Variants in TENM3 observed in about 807,000 individuals in gnomAD.
TENM3 encodes the protein teneurin transmembrane protein 3.
TENM3 carries 63 observed loss-of-function variants against 255.1 expected under a neutral mutation model. That is an observed-to-expected ratio of 0.25 (90% CI 0.20 to 0.30). The LOEUF (loss-of-function observed/expected upper bound fraction) is 0.30, where lower values mean the gene tolerates loss of function less well. Ranked by LOEUF, TENM3 falls within the 10% of genes least tolerant of loss-of-function variation. The probability of loss-of-function intolerance (pLI) is 1.00; values close to 1 mark genes in which losing one functional copy is unlikely to be tolerated. For missense variants in TENM3, 2,929 were observed against 3,461.1 expected, an observed-to-expected ratio of 0.85 and a Z score of 3.86; for synonymous variants, 1,306 against 1,322.3, an observed-to-expected ratio of 0.99 and a Z score of 0.27.
the TENM3 span, among the ~76,000 whole-genome samples, chr4:181,448,846 A>C: frequency 6.6e-6 from 1 of 152,182 alleles, no homozygotes; most frequent in Admixed American, 6.5e-5. Context: ...TTTACTTGGA[A>C]TTTTAAGTTT....
At chr4:181,752,442 C>G in the TENM3 span, among the ~76,000 whole-genome samples, 1 of 152,018 alleles carries the variant, frequency 6.6e-6, no homozygotes, top group Admixed American at 6.5e-5. Context: ...GTCCCAGCTA[C>G]TAGGGAAGCT....
chr4:182,349,327 G>A (rs189363500), intron 3 of TENM3, among the ~76,000 whole-genome samples: 58 of 152,216 alleles, frequency 3.8e-4, no homozygotes, highest in Non-Finnish European at 7.6e-4. Context: ...AATGAATACT[G>A]GCTATTGCAT....
At chr4:181,685,691 T>TG in the TENM3 span, among the ~76,000 whole-genome samples, 1 of 152,196 alleles carries the variant, frequency 6.6e-6, no homozygotes, top group African/African-American at 2.4e-5. Context: ...AAAGGACGGA[T>TG]GGGCACCCTG....
At chr4:182,448,940 G>A (rs1281376018) in intron 3 of TENM3, 11 of 383,526 alleles carry the variant, frequency 2.9e-5, no homozygotes, top group Middle Eastern at 3.7e-4. Context: ...TGTAAACAGA[G>A]GAGCCTCAGC....
At chr4:182,044,770 A>T in the TENM3 span, among the ~76,000 whole-genome samples, 1 of 152,228 alleles carries the variant, frequency 6.6e-6, no homozygotes, top group Non-Finnish European at 1.5e-5. Context: ...CTTGAATAAA[A>T]ATTCTTCTTT....
chr4:182,432,849 G>GGTGTGTGTGGGTGTGTGTGTGTGTGTGT (rs1554066036), intron 3 of TENM3, among the ~76,000 whole-genome samples: 58 of 143,080 alleles, frequency 4.1e-4, no homozygotes, highest in Admixed American at 3.7e-3. Flanking sequence ...AATGGATTTG[G>GGTGTGTGTGGGTGTGTGTGTGTGTGTGT]GTGTGTGTGT....
the TENM3 span, among the ~76,000 whole-genome samples, chr4:181,898,261 T>TACAC: frequency 2.5e-3 from 380 of 149,970 alleles, 2 homozygotes; most frequent in African/African-American, 7.1e-3. Context: ...CATCTGCAGC[T>TACAC]ACACACACAC....
chr4:182,328,563 A>G (rs1224807645), intron 2 of TENM3, among the ~76,000 whole-genome samples: 2 of 152,204 alleles, frequency 1.3e-5, no homozygotes, highest in East Asian at 3.9e-4. Flanking sequence ...CTATGTTTGT[A>G]CGTTACTGAA....
chr4:182,745,813 T>A (rs909328956), intron 19 of TENM3, among the ~76,000 whole-genome samples: 5 of 12,032 alleles, frequency 4.2e-4, no homozygotes, highest in African/African-American at 1.3e-3. Context: ...AATCTCTCCC[T>A]CTGGAAAAAA....
At chr4:182,560,834 G>A (rs140172817) in intron 3 of TENM3, among the ~76,000 whole-genome samples, 2 of 152,002 alleles carry the variant, frequency 1.3e-5, no homozygotes, top group Admixed American at 6.6e-5. Flanking sequence ...ATAATGAACA[G>A]TGGAGAAGTA....
chr4:181,656,212 G>T, the TENM3 span, among the ~76,000 whole-genome samples: 1 of 152,268 alleles, frequency 6.6e-6, no homozygotes, highest in African/African-American at 2.4e-5. Flanking sequence ...TGCAGAGGAA[G>T]ATGGGAAATG....
At chr4:181,632,054 G>A in the TENM3 span, among the ~76,000 whole-genome samples, 11,502 of 152,196 alleles carry the variant, frequency 0.076, 494 homozygotes, top group East Asian at 0.14. Flanking sequence ...GTGAGGTGTG[G>A]TGTATTAGTC....
chr4:181,803,772 T>G, the TENM3 span, among the ~76,000 whole-genome samples: 3 of 150,932 alleles, frequency 2.0e-5, no homozygotes, highest in African/African-American at 7.3e-5. Flanking sequence ...TCCCTTAAAT[T>G]AAAAATGAAA....
chr4:182,321,709 G>C lies in TENM3; in HGVS notation c.-75-2237G>C, dbSNP rs1412177328. 2.6e-5 allele frequency among the ~76,000 whole-genome samples: 4 copies of C among 152,116 alleles called. No individual in the cohort carries two copies. The East Asian group carries it at 5.8e-4, about 22-fold the overall frequency. ...GCCTGTAATCCCAGCACTTTGGGAGGCTGAAGTGGGCGGATCACGAGGTCA... is the reference window on the plus strand; with the variant it reads ...GCCTGTAATCCCAGCACTTTGGGAGCCTGAAGTGGGCGGATCACGAGGTCA... On this transcript the variant is annotated intron_variant, in intron 1 of 27. Transcript: ENST00000511685.
the TENM3 span, among the ~76,000 whole-genome samples, chr4:181,814,415 T>G: frequency 6.6e-6 from 1 of 152,214 alleles, no homozygotes; most frequent in Non-Finnish European, 1.5e-5. Flanking sequence ...AAACACAAAC[T>G]TTGTGAGCAT....
At chr4:181,604,729 C>T in the TENM3 span, among the ~76,000 whole-genome samples, 6 of 152,018 alleles carry the variant, frequency 3.9e-5, no homozygotes, top group Admixed American at 2.0e-4. Context: ...TTCATCACCA[C>T]GACTGTTTAC....
rs1561204122 is a variant in TENM3, at chr4:182,754,750, T to C, written c.4383T>C (p.Ser1461=). The C allele has an allele frequency of 6.2e-7, 1 of 1,613,748 alleles. No homozygotes were observed. The highest frequency in any genetic ancestry group is 1.3e-5 in the African/African-American group (1 of 74,862). The part of the protein sequence containing the change: ...KNDANCDCYQ[S]GDGYAKDAKL... ...ATGCCAACTGTGACTGTTACCAGAG[T>C]GGAGATGGCTACGCCAAGGATGCCA... Residue 1461 remains serine, a synonymous_variant, in exon 22 of 28, where the codon AGT becomes AGC. Coordinates refer to ENST00000511685, the MANE Select transcript of TENM3 (RefSeq NM_001080477.4). The surrounding 1 kb of genome is among the most constrained non-coding windows in gnomAD (Gnocchi z 5.1).
chr4:182,169,478 A>C (rs1260652624), intron 1 of TENM3: 2 of 327,914 alleles, frequency 6.1e-6, no homozygotes, highest in African/African-American at 2.2e-5. Context: ...CACCTAAAAT[A>C]TGAATGAAGA....
chr4:181,580,947 A>G, the TENM3 span, among the ~76,000 whole-genome samples: 20 of 152,348 alleles, frequency 1.3e-4, no homozygotes, highest in African/African-American at 4.6e-4. Context: ...CACACAACAC[A>G]GAAAACTATC....
Sources: allele counts gnomAD v4.1 joint callset (sites outside exome capture counted in the v4.1 genomes callset), GRCh38; gene constraint gnomAD v4.1.1; non-coding constraint Gnocchi (gnomAD v3.1); transcripts MANE v1.5; gene names NCBI Gene and HGNC (gene_info 2026-07-23, HGNC 2026-07-21).